The following MRPS27 variants were observed in gnomAD, a reference collection of about 807,000 sequenced individuals.
MRPS27 encodes small ribosomal subunit protein mS27.
MRPS27 carries 43 observed loss-of-function variants against 48.9 expected under a neutral mutation model. That is an observed-to-expected ratio of 0.88 (90% CI 0.69 to 1.13). MRPS27 has a LOEUF of 1.13. MRPS27 is among the 50% of genes most tolerant of loss of function. MRPS27 has a pLI of 0.00. For missense variants in MRPS27, 467 were observed against 476.3 expected, an observed-to-expected ratio of 0.98 and a Z score of 0.18; for synonymous variants, 188 against 171.9, an observed-to-expected ratio of 1.09 and a Z score of -0.73.
In MRPS27 at chr5:72,238,098, C is replaced by G; in HGVS notation, c.312G>C (p.Leu104=). ...TCCAGGTGTGGATAGTCCAGTTTCT[C>G]AGGTACCAGCAGTTGGGGCTGTGTC... is the stretch of plus-strand genomic sequence containing the variant. ...KFRHSPNCWY[L]RNWTIHTWIR... Residue 104 remains leucine (L), a synonymous_variant, in exon 5 of 11, where the codon CTG becomes CTC. Coordinates refer to ENST00000261413, the MANE Select transcript of MRPS27 (RefSeq NM_015084.3). 6.2e-7 allele frequency: 1 copy of G among 1,613,494 alleles called. No homozygotes were observed. The highest frequency in any genetic ancestry group is 1.1e-5 in the South Asian group (1 of 91,066).
intron 4 of MRPS27, among the ~76,000 whole-genome samples, chr5:72,248,330 T>G (rs1748560910): frequency 6.6e-6 from 1 of 152,198 alleles, no homozygotes; most frequent in Non-Finnish European, 1.5e-5. Context: ...GTTACAATTC[T>G]GAATATGAAA....
intron 4 of MRPS27, among the ~76,000 whole-genome samples, chr5:72,260,370 C>G (rs1417206967): frequency 6.6e-6 from 1 of 152,156 alleles, no homozygotes; most frequent in Non-Finnish European, 1.5e-5. Flanking sequence ...AGTCCCTTTG[C>G]ATTATGTATT....
chr5:72,242,484 T>G (rs1010338276), intron 4 of MRPS27, among the ~76,000 whole-genome samples: 1 of 150,884 alleles, frequency 6.6e-6, no homozygotes, highest in East Asian at 1.9e-4. Flanking sequence ...GGTACTCTAT[T>G]GTGTGTAAAA....
chr5:72,256,061 T>C (rs1748796271), intron 4 of MRPS27, among the ~76,000 whole-genome samples: 1 of 152,240 alleles, frequency 6.6e-6, no homozygotes, highest in Non-Finnish European at 1.5e-5. Flanking sequence ...CTTGTTTCTC[T>C]CCTGATCCTG....
chr5:72,286,180 G>A (rs1749668171), intron 4 of MRPS27, among the ~76,000 whole-genome samples: 1 of 152,010 alleles, frequency 6.6e-6, no homozygotes, highest in African/African-American at 2.4e-5. Context: ...TAATGCATGT[G>A]CGTGTGTGTA....
intron 1 of MRPS27, 77 bp downstream of exon 1, chr5:72,320,072 T>G: frequency 6.8e-7 from 1 of 1,471,166 alleles, no homozygotes; most frequent in Non-Finnish European, 9.5e-7. Context: ...AAACGTTTCC[T>G]CTCCTCTTGA....
intron 2 of MRPS27, among the ~76,000 whole-genome samples, chr5:72,301,143 CCT>C: frequency 6.6e-6 from 1 of 152,198 alleles, no homozygotes; most frequent in African/African-American, 2.4e-5. Flanking sequence ...ACCATTTTTT[CCT>C]CTCTTTTTTC....
chr5:72,262,745 T>C (rs940652295), intron 4 of MRPS27, among the ~76,000 whole-genome samples: 1 of 151,656 alleles, frequency 6.6e-6, no homozygotes, highest in Non-Finnish European at 1.5e-5. Flanking sequence ...AGTGAGGTCT[T>C]TTTTTTATTA....
intron 4 of MRPS27, among the ~76,000 whole-genome samples, chr5:72,243,682 G>A (rs1201297556): frequency 6.6e-6 from 1 of 152,104 alleles, no homozygotes; most frequent in Non-Finnish European, 1.5e-5. Flanking sequence ...CTCCCACCCT[G>A]CCAACAAAAG....
chr5:72,224,623 C>A (rs1349678296), intron 9 of MRPS27, among the ~76,000 whole-genome samples: 1 of 152,076 alleles, frequency 6.6e-6, no homozygotes, highest in African/African-American at 2.4e-5. Context: ...GGCAAGGGTC[C>A]CCCTCAGAAA....
intron 1 of MRPS27, among the ~76,000 whole-genome samples, chr5:72,319,410 C>T (rs762768232): frequency 6.6e-6 from 1 of 152,098 alleles, no homozygotes; most frequent in Non-Finnish European, 1.5e-5. Context: ...AAAAATTCTT[C>T]CACGAAGACC....
At position 72,221,110 on chromosome 5, in the gene MRPS27, C is replaced by T. The variant is rs774446914; in HGVS notation, c.1044G>A (p.Glu348=). 1.1e-5 allele frequency: 18 copies of T among 1,614,102 alleles called. No homozygotes were observed. In the South Asian group the frequency reaches 1.8e-4, roughly 16 times the overall value. ...TGGTCAGACTTAAAAGACCTTCTGA[C>T]TCAATTTTGCCCAGAGCTTGAAGCT... ...HSKLQALGKI[E]SEGLLSLTTQ... Residue 348 remains glutamate, a synonymous_variant, in exon 11 of 11, where the codon GAG becomes GAA. Transcript: ENST00000261413.
At position 72,223,929 on chromosome 5, in the gene MRPS27, A is replaced by G; in HGVS notation, c.838-79T>C. On this transcript the variant is annotated intron_variant, in intron 9 of 10. Coordinates refer to ENST00000261413, the MANE Select transcript of MRPS27 (RefSeq NM_015084.3). ...TGGTGAAGAAAGGCTAGAGAAGGCGAAAGAAAGGAAGAATGAGCTCTAAAA... is the reference window on the plus strand; with the variant it reads ...TGGTGAAGAAAGGCTAGAGAAGGCGGAAGAAAGGAAGAATGAGCTCTAAAA... 4 of 1,412,706 alleles carry G rather than the reference A, an allele frequency of 2.8e-6. No homozygotes were observed. The South Asian group carries it at 5.2e-5, about 18-fold the overall frequency. 87.5% of individuals were successfully genotyped at this position (1,412,706 alleles called of 1,614,324 possible).
chr5:72,308,950 CTAATT>C (rs1750360911), intron 2 of MRPS27, among the ~76,000 whole-genome samples: 1 of 152,210 alleles, frequency 6.6e-6, no homozygotes, highest in African/African-American at 2.4e-5. Flanking sequence ...ACCATCATCT[CTAATT>C]TATAGGCACA....
intron 7 of MRPS27, chr5:72,228,990 G>C (rs891618665): frequency 1.3e-5 from 2 of 152,196 alleles, no homozygotes; most frequent in Non-Finnish European, 1.5e-5. Context: ...TAGAGACATG[G>C]GGGAAACAAA....
intron 4 of MRPS27, among the ~76,000 whole-genome samples, chr5:72,271,902 T>G (rs1232206873): frequency 6.6e-6 from 1 of 152,184 alleles, no homozygotes; most frequent in East Asian, 1.9e-4. Context: ...AAATTATATA[T>G]AGGCTCACAC....
chr5:72,278,777 T>C (rs1391204303), intron 4 of MRPS27, among the ~76,000 whole-genome samples: 1 of 152,220 alleles, frequency 6.6e-6, no homozygotes, highest in Non-Finnish European at 1.5e-5. Flanking sequence ...CCCTGATATA[T>C]ATGTGTATGT....
At chr5:72,276,030 T>TG (rs138936529) in intron 4 of MRPS27, among the ~76,000 whole-genome samples, 15,649 of 150,614 alleles carry the variant, frequency 0.1, 1,057 homozygotes, top group East Asian at 0.32. Flanking sequence ...TGTGTGTGTG[T>TG]GGGGGGGGTA....
intron 2 of MRPS27, among the ~76,000 whole-genome samples, chr5:72,310,243 A>G (rs1305068378): frequency 1.3e-5 from 2 of 152,226 alleles, no homozygotes; most frequent in Non-Finnish European, 2.9e-5. Context: ...CACAGTAGCA[A>G]AAGGACACCT....
Sources: gnomAD v4.1 joint callset for allele counts (sites outside exome capture counted in the v4.1 genomes callset) on GRCh38, gnomAD v4.1.1 for gene constraint, MANE v1.5 for transcripts, NCBI Gene and HGNC (gene_info 2026-07-23, HGNC 2026-07-21) for gene names.